Variants in USH2A observed in about 807,000 individuals in gnomAD.
USH2A encodes the protein Usher syndrome 2A (autosomal recessive, mild).
In USH2A, 443 loss-of-function variants were observed where a neutral mutation model predicts 538.9. The observed-to-expected ratio is 0.82, with a 90% CI of 0.76 to 0.89. The LOEUF (loss-of-function observed/expected upper bound fraction) is 0.89. USH2A is among the 40% of genes least tolerant of loss of function. The pLI is 0.00. For synonymous variants in USH2A, 2,413 were observed against 2,273.5 expected (o/e 1.06, Z -1.75); for missense variants, 6,633 against 6,324.8 (o/e 1.05, Z -1.65).
At chr1:215,889,758 A>T (rs1019692256) in intron 40 of USH2A, among the ~76,000 whole-genome samples, 3 of 152,140 alleles carry the variant, frequency 2.0e-5, no homozygotes, top group African/African-American at 7.2e-5. Flanking sequence ...GGCTCCATGA[A>T]TACTGAAAAA....
rs911347539 is a variant in USH2A, at chr1:215,813,134, T to C, written c.9739+602A>G. On this transcript the variant is annotated intron_variant, in intron 49 of 71. Transcript: ENST00000307340. ...ATTATTAGCATCATTCCCAATTATA[T>C]TCACTAGGCATTGTTTTATGTAGTT... Among the ~76,000 whole-genome samples, 4 of 152,318 alleles carry C rather than the reference T, an allele frequency of 2.6e-5. No homozygotes were observed. In the East Asian group the frequency reaches 7.7e-4, roughly 29 times the overall value.
chr1:216,370,603 G>A (rs905045360), intron 3 of USH2A, among the ~76,000 whole-genome samples: 8 of 145,380 alleles, frequency 5.5e-5, no homozygotes, highest in South Asian at 2.2e-4. Flanking sequence ...TGCTAAACCC[G>A]GGAGGCGGAG....
chr1:215,625,971 T>A, intron 71 of USH2A, 101 bp from the exon 72 acceptor site: 1 of 1,205,292 alleles, frequency 8.3e-7, no homozygotes, highest in Non-Finnish European at 1.2e-6. Flanking sequence ...TAATAAGTAT[T>A]AAAGGCTTTT....
Position 215,647,385 on chromosome 1 carries a change from T to A in USH2A, c.14791+137A>T, listed in dbSNP as rs576470152. 2.1e-5 allele frequency: 23 copies of A among 1,084,574 alleles called. No individual in the cohort carries two copies. The East Asian group carries it at 5.8e-4, about 28-fold the overall frequency. 67.2% of individuals were successfully genotyped at this position (1,084,574 alleles called of 1,614,324 possible). On this transcript the variant is annotated intron_variant, in intron 67 of 71. Coordinates refer to ENST00000307340, the MANE Select transcript of USH2A (RefSeq NM_206933.4). ...CATTTTTCCTCAGTAGTCATCCTCA[T>A]CAATGCTTCAGTAACATTCAGTGTT...
intron 20 of USH2A, among the ~76,000 whole-genome samples, chr1:216,177,441 C>T (rs986062830): frequency 1.3e-5 from 2 of 152,112 alleles, no homozygotes; most frequent in African/African-American, 4.8e-5. Context: ...CAAGCAATAG[C>T]ACTCTGAATG....
chr1:216,377,866 A>AGAAAGAAGGAAG (rs1449698887), intron 3 of USH2A, among the ~76,000 whole-genome samples: 2 of 141,800 alleles, frequency 1.4e-5, no homozygotes, highest in African/African-American at 5.4e-5. Flanking sequence ...AAAGAAAGAA[A>AGAAAGAAGGAAG]GAAGGAAAGA....
chr1:215,665,202 T>C lies in USH2A; in HGVS notation c.14133+5770A>G, dbSNP rs544618265. ...CTCCACAGCCCTTCTTTCCATCCTC[T>C]TGTTTGGGGGCAGTGTTGGTCTGTT... On this transcript the variant is annotated intron_variant, in intron 64 of 71. Coordinates refer to ENST00000307340, the MANE Select transcript of USH2A (RefSeq NM_206933.4). Among the ~76,000 whole-genome samples, 3 of 152,226 alleles carry C rather than the reference T, an allele frequency of 2.0e-5. No individual in the cohort carries two copies. In the East Asian group the frequency reaches 5.8e-4, roughly 30 times the overall value.
intron 67 of USH2A, among the ~76,000 whole-genome samples, chr1:215,643,003 G>A (rs1378648376): frequency 1.3e-5 from 2 of 151,996 alleles, no homozygotes; most frequent in Admixed American, 6.6e-5. Context: ...AATTATTATG[G>A]TTACTATTTT....
chr1:216,113,797 A>G (rs552321102), intron 21 of USH2A, among the ~76,000 whole-genome samples: 10 of 151,974 alleles, frequency 6.6e-5, no homozygotes, highest in East Asian at 3.9e-4. Context: ...TTTGCTTTTT[A>G]TAATTGGGCT....
Position 216,305,308 on chromosome 1 carries a change from T to G in USH2A, c.1645-12938A>C, listed in dbSNP as rs1228147095. Among the ~76,000 whole-genome samples, 7 of 152,178 alleles carry G rather than the reference T, an allele frequency of 4.6e-5. No homozygotes were observed. In the East Asian group the frequency reaches 9.6e-4, roughly 21 times the overall value. Reference sequence around the variant, plus strand: ...ACTGCTGTTGCTTTGAAGTTTGTTTTGTCTGATATAAGAATAGCTACTGCT... The same window carrying G: ...ACTGCTGTTGCTTTGAAGTTTGTTTGGTCTGATATAAGAATAGCTACTGCT... On this transcript the variant is annotated intron_variant, in intron 9 of 71. Coordinates refer to ENST00000307340, the MANE Select transcript of USH2A (RefSeq NM_206933.4).
intron 37 of USH2A, among the ~76,000 whole-genome samples, chr1:215,937,972 CA>C (rs1230088028): frequency 2.5e-4 from 38 of 151,902 alleles, no homozygotes; most frequent in African/African-American, 9.2e-4. Context: ...AATGGCATGG[CA>C]GGGGGAGATA....
intron 21 of USH2A, among the ~76,000 whole-genome samples, chr1:216,102,233 T>C (rs1462222549): frequency 6.6e-6 from 1 of 150,912 alleles, no homozygotes; most frequent in Non-Finnish European, 1.5e-5. Flanking sequence ...ATCTGAGAAA[T>C]GCAAAATGAA....
intron 32 of USH2A, among the ~76,000 whole-genome samples, chr1:216,032,297 C>T (rs1268789395): frequency 6.6e-6 from 1 of 152,046 alleles, no homozygotes; most frequent in Non-Finnish European, 1.5e-5. Context: ...TGATTATTTA[C>T]CATTTTTAGA....
Position 215,877,787 on chromosome 1 carries a change from C to G in USH2A, c.8652G>C (p.Gln2884His). 1 of 1,613,804 alleles carries G rather than the reference C, an allele frequency of 6.2e-7. No individual in the cohort carries two copies. Among genetic ancestry groups the G allele is most frequent in the Non-Finnish European group, 8.5e-7 (1 of 1,179,728 alleles). The change falls in exon 43 of 72, where the codon CAG (glutamine) becomes CAC (histidine). Residue 2884 changes from glutamine to histidine, a missense_variant. Coordinates refer to ENST00000307340, the MANE Select transcript of USH2A (RefSeq NM_206933.4). ...TAAGACCCTTATCTTCATAAAGCCA[C>G]TGAGTTCCTGAATAAATATTGTGCC... ...NRWHNIYSGT[Q>H]WLYEDKGLSR...
intron 3 of USH2A, among the ~76,000 whole-genome samples, chr1:216,385,558 C>T (rs1292397734): frequency 6.6e-6 from 1 of 152,074 alleles, no homozygotes; most frequent in East Asian, 1.9e-4. Flanking sequence ...CTCCATAATC[C>T]AACTAGAATT....
Position 215,888,869 on chromosome 1 carries a change from T to C in USH2A, c.7780A>G (p.Thr2594Ala). The C allele has an allele frequency of 6.2e-7, 1 of 1,614,070 alleles. No homozygotes were observed. Among genetic ancestry groups the C allele is most frequent in the African/African-American group, 1.3e-5 (1 of 75,016 alleles). ...NCTVMHLHPY[T>A]AYKFQVEACT... is the part of the protein sequence containing the mutation. Reference sequence around the variant, plus strand: ...GCTTCTACCTGAAACTTATAGGCAGTGTATGGGTGTAAATGCATCACTGTG... The same window carrying C: ...GCTTCTACCTGAAACTTATAGGCAGCGTATGGGTGTAAATGCATCACTGTG... The change falls in exon 41 of 72, where the codon ACT becomes GCT. Residue 2594 changes from threonine (T) to alanine (A), a missense_variant. Thr to Ala is a moderately conservative substitution (Grantham distance 58, BLOSUM62 0). Transcript: ENST00000307340.
rs531822235 is a variant in USH2A, at chr1:215,888,503, C to T, written c.8146G>A (p.Glu2716Lys). 2.7e-4 allele frequency: 429 copies of T among 1,614,158 alleles called. 5 individuals carry two copies. In the South Asian group the frequency reaches 3.7e-3, roughly 14 times the overall value. ...GGTCGTGAGGGTCTTGTGGTAACTT[C>T]TACCCAAGCACTGCTGTTTGTGCCT... ...HGGTNSSAWVEVTTRPSRPAG... is the reference protein window; with the variant it reads ...HGGTNSSAWVKVTTRPSRPAG... The change falls in exon 41 of 72, where the codon GAA (glutamate) becomes AAA (lysine). Residue 2716 changes from glutamate (E) to lysine (K), a missense_variant. Glu to Lys is a moderately conservative substitution (Grantham distance 56). Coordinates refer to ENST00000307340, the MANE Select transcript of USH2A (RefSeq NM_206933.4).
At chr1:216,376,857 A>C (rs2038831935) in intron 3 of USH2A, among the ~76,000 whole-genome samples, 1 of 152,188 alleles carries the variant, frequency 6.6e-6, no homozygotes, top group African/African-American at 2.4e-5. Flanking sequence ...TTGTAGAAAT[A>C]GTCCTGCCAT....
At chr1:216,005,176 C>T (rs1254778348) in intron 32 of USH2A, among the ~76,000 whole-genome samples, 1 of 152,128 alleles carries the variant, frequency 6.6e-6, no homozygotes, top group Middle Eastern at 3.2e-3. Context: ...ACTTCTGGGC[C>T]TTTGCAGGTG....
Sources: allele counts gnomAD v4.1 joint callset (sites outside exome capture counted in the v4.1 genomes callset), GRCh38; gene constraint gnomAD v4.1.1; transcripts MANE v1.5; gene names NCBI Gene and HGNC (gene_info 2026-07-23, HGNC 2026-07-21).